The following PAK5 variants were observed in gnomAD, a reference collection of about 807,000 sequenced individuals.
PAK5 encodes p21 (RAC1) activated kinase 5.
In PAK5, 16 loss-of-function variants were observed where a neutral mutation model predicts 65.9. The ratio of observed to expected loss-of-function variants is 0.24; its 90% confidence interval spans 0.16 to 0.37. The LOEUF (loss-of-function observed/expected upper bound fraction) is 0.37. Ranked by LOEUF, PAK5 falls within the 10% of genes least tolerant of loss-of-function variation. The pLI is 1.00. For synonymous variants in PAK5, 371 were observed against 354.9 expected, an observed-to-expected ratio of 1.05 and a Z score of -0.51; for missense variants, 785 against 903.9, an observed-to-expected ratio of 0.87 and a Z score of 1.69.
intron 2 of PAK5, among the ~76,000 whole-genome samples, chr20:9,660,383 C>G (rs777496261): frequency 2.0e-5 from 3 of 151,452 alleles, no homozygotes; most frequent in African/African-American, 7.3e-5. Flanking sequence ...TTTTCTTTGA[C>G]AAGTATTTTT....
chr20:9,604,820 C>T (rs1317728575), intron 3 of PAK5, among the ~76,000 whole-genome samples: 1 of 152,128 alleles, frequency 6.6e-6, no homozygotes, highest in Admixed American at 6.6e-5. Flanking sequence ...ATGCTGTAGG[C>T]TAGGCATTCT....
intron 1 of PAK5, among the ~76,000 whole-genome samples, chr20:9,813,480 C>A (rs918971654): frequency 6.6e-6 from 1 of 152,032 alleles, no homozygotes; most frequent in Non-Finnish European, 1.5e-5. Flanking sequence ...CAAATACATA[C>A]CACATAGTTT....
At chr20:9,705,899 T>C (rs1433898586) in intron 2 of PAK5, among the ~76,000 whole-genome samples, 1 of 152,202 alleles carries the variant, frequency 6.6e-6, no homozygotes, top group African/African-American at 2.4e-5. Context: ...GAGCTTGAGA[T>C]GCTAATATTA....
chr20:9,745,180 CT>C (rs2048492332), intron 1 of PAK5, among the ~76,000 whole-genome samples: 1 of 152,034 alleles, frequency 6.6e-6, no homozygotes, highest in Non-Finnish European at 1.5e-5. Context: ...TTCTTTCAAT[CT>C]TAGCGATTAA....
intron 1 of PAK5, among the ~76,000 whole-genome samples, chr20:9,833,741 A>G (rs978175216): frequency 2.6e-4 from 40 of 152,340 alleles, no homozygotes; most frequent in African/African-American, 9.1e-4. Flanking sequence ...TCTGGGAAAA[A>G]TAACCGTTTC....
At chr20:9,553,557 A>AGT (rs34241978) in intron 7 of PAK5, among the ~76,000 whole-genome samples, 13,112 of 150,968 alleles carry the variant, frequency 0.087, 710 homozygotes, top group East Asian at 0.28. Context: ...TTATTTCATG[A>AGT]GTGTGTGTGT....
At chr20:9,654,963 G>C (rs531181295) in intron 2 of PAK5, among the ~76,000 whole-genome samples, 1 of 151,972 alleles carries the variant, frequency 6.6e-6, no homozygotes, top group Non-Finnish European at 1.5e-5. Flanking sequence ...TTGTCTATTG[G>C]GCTACAGAAA....
chr20:9,640,056 ATTAT>A (rs1266060735), intron 3 of PAK5, among the ~76,000 whole-genome samples: 1 of 152,068 alleles, frequency 6.6e-6, no homozygotes, highest in Non-Finnish European at 1.5e-5. Context: ...TAGAATGTTT[ATTAT>A]TTTTTTTTAT....
intron 1 of PAK5, among the ~76,000 whole-genome samples, chr20:9,837,522 G>A (rs927813416): frequency 6.6e-6 from 1 of 152,178 alleles, no homozygotes; most frequent in Non-Finnish European, 1.5e-5. Context: ...GAGTTGTTGT[G>A]CTGTTGAATA....
intron 2 of PAK5, among the ~76,000 whole-genome samples, chr20:9,650,144 G>T (rs981797924): frequency 3.9e-5 from 6 of 152,194 alleles, no homozygotes; most frequent in African/African-American, 1.4e-4. Flanking sequence ...TAATTGTTTG[G>T]ATAACTCAAT....
At position 9,738,096 on chromosome 20, in the gene PAK5, G is replaced by A. The variant is rs536768863; in HGVS notation, c.-161-26661C>T. On this transcript the variant is annotated intron_variant, in intron 1 of 9. Coordinates refer to ENST00000353224, the MANE Select transcript of PAK5 (RefSeq NM_177990.4). ...GTGGAGGTTGCAGTGAGCCGAGATC[G>A]CACAACTGTACTCCAGCCTGGTTAC... Among the ~76,000 whole-genome samples, 81 of 151,928 alleles carry A rather than the reference G, an allele frequency of 5.3e-4. 1 individual carries two copies. In the South Asian group the frequency reaches 0.013, roughly 25 times the overall value.
chr20:9,570,505 T>G (rs2045761225), intron 4 of PAK5, among the ~76,000 whole-genome samples: 1 of 152,154 alleles, frequency 6.6e-6, no homozygotes, highest in African/African-American at 2.4e-5. Flanking sequence ...GAGAGAGAAG[T>G]GTCAGTGTAA....
chr20:9,796,740 T>C (rs1188652665), intron 1 of PAK5, among the ~76,000 whole-genome samples: 1 of 151,970 alleles, frequency 6.6e-6, no homozygotes, highest in Non-Finnish European at 1.5e-5. Flanking sequence ...GAAATGGAAA[T>C]GTGTGGAAGA....
intron 3 of PAK5, among the ~76,000 whole-genome samples, chr20:9,624,218 G>A (rs1294120812): frequency 6.6e-6 from 1 of 152,092 alleles, no homozygotes. Flanking sequence ...AAATAAGTAA[G>A]GCATAGGAGA....
chr20:9,573,763 A>G (rs1201908039), intron 4 of PAK5, among the ~76,000 whole-genome samples: 28 of 152,310 alleles, frequency 1.8e-4, no homozygotes, highest in Non-Finnish European at 1.0e-4. Flanking sequence ...GTGTGTGGAC[A>G]CAGCCACAGT....
At chr20:9,720,384 A>G (rs1166614409) in intron 1 of PAK5, among the ~76,000 whole-genome samples, 1 of 152,234 alleles carries the variant, frequency 6.6e-6, no homozygotes, top group African/African-American at 2.4e-5. Context: ...TGGAAATATC[A>G]TGTATACTTT....
chr20:9,772,822 A>G (rs2064284), intron 1 of PAK5, among the ~76,000 whole-genome samples: 121,564 of 152,162 alleles, frequency 0.8, 48,914 homozygotes, highest in African/African-American at 0.91. Context: ...ATAGTCAGGC[A>G]GAATGTTCAG....
intron 5 of PAK5, among the ~76,000 whole-genome samples, chr20:9,563,480 G>A (rs752457814): frequency 6.6e-5 from 10 of 152,158 alleles, no homozygotes; most frequent in Non-Finnish European, 1.3e-4. Context: ...TATTAGAACT[G>A]GAGCCACACA....
intron 3 of PAK5, among the ~76,000 whole-genome samples, chr20:9,618,234 C>A (rs865855206): frequency 9.9e-5 from 15 of 151,998 alleles, no homozygotes; most frequent in African/African-American, 3.4e-4. Flanking sequence ...TACTACATAA[C>A]TCCAAAGAGT....
Sources: gnomAD v4.1 joint callset for allele counts (sites outside exome capture counted in the v4.1 genomes callset) on GRCh38, gnomAD v4.1.1 for gene constraint, MANE v1.5 for transcripts, NCBI Gene and HGNC (gene_info 2026-07-23, HGNC 2026-07-21) for gene names.